ABHD6: variants seen among roughly 807,000 people sequenced by gnomAD.
ABHD6 encodes monoacylglycerol lipase ABHD6.
ABHD6 carries 33 observed loss-of-function variants against 38.8 expected under a neutral mutation model. The observed-to-expected ratio is 0.85, with a 90% CI of 0.64 to 1.14. The LOEUF is 1.14. Ranked by LOEUF, ABHD6 falls within the 50% of genes most tolerant of loss-of-function variation. The probability of loss-of-function intolerance (pLI) is 0.00; values close to 1 mark genes in which losing one functional copy is unlikely to be tolerated. For missense variants in ABHD6, 380 were observed against 422.6 expected (o/e 0.90, Z 0.88); for synonymous variants, 147 against 161.6 (o/e 0.91, Z 0.69).
rs1448803780 is a variant in ABHD6 at position 58,293,093 on chromosome 3, C to T, written c.838-496C>T. Among the ~76,000 whole-genome samples the T allele has an allele frequency of 2.0e-5, 3 of 152,094 alleles. No homozygotes were observed. Among genetic ancestry groups the T allele is most frequent in the Non-Finnish European group, 2.9e-5 (2 of 68,030 alleles). ...TAGGAGCAGCGCCCTCCTCTCTGCC[C>T]CTTCTCCCCACCATGCCACCCCCAC... On this transcript the variant is annotated intron_variant, in intron 9 of 9. Transcript: ENST00000478253. This position sits in a 1 kb window ranked among gnomAD's most constrained non-coding sequence, Gnocchi z 4.4.
rs1181264461 is a variant in ABHD6, at chr3:58,257,674, A to G, written c.119+969A>G. On this transcript the variant is annotated intron_variant, in intron 3 of 9. Transcript: ENST00000478253. This position sits in a 1 kb window ranked among gnomAD's most constrained non-coding sequence, Gnocchi z 4.8. The stretch of plus-strand genomic sequence containing the variant: ...CACTGCGCCTGGCCTTCATCATTGG[A>G]TTCTGACCCTGTGATGTCCTGACAG... Among the ~76,000 whole-genome samples the G allele has an allele frequency of 6.6e-6, 1 of 152,008 alleles. No homozygotes were observed. The highest frequency in any genetic ancestry group is 1.5e-5 in the Non-Finnish European group (1 of 67,996).
In ABHD6 at chr3:58,256,882, A is replaced by T. The variant is rs116014718; in HGVS notation, c.119+177A>T. On this transcript the variant is annotated intron_variant, in intron 3 of 9. Coordinates refer to ENST00000478253, the MANE Select transcript of ABHD6 (RefSeq NM_001320126.2). The surrounding 1 kb of genome is among the most constrained non-coding windows in gnomAD (Gnocchi z 4.3). ...GGGAATGCTCTTGAAGAATATTACC[A>T]GATCAGTTCTTTCAGGTTTGTTTGT... 2.9e-4 allele frequency among the ~76,000 whole-genome samples: 44 copies of T among 152,148 alleles called. No individual in the cohort carries two copies. The highest frequency in any genetic ancestry group is 1.0e-3 in the African/African-American group (42 of 41,494).
chr3:58,269,258 A>G lies in ABHD6; in HGVS notation c.277-63A>G. On this transcript the variant is annotated intron_variant, in intron 4 of 9. Coordinates refer to ENST00000478253, the MANE Select transcript of ABHD6 (RefSeq NM_001320126.2). The surrounding 1 kb of genome is among the most constrained non-coding windows in gnomAD (Gnocchi z 4.4). ...GTCACTGTACATGGGGCAACCTCCC[A>G]AGAAAATGGGCAGACATGTTTTGCA... is the stretch of plus-strand genomic sequence containing the variant. 1.5e-6 allele frequency: 2 copies of G among 1,341,944 alleles called. No homozygotes were observed. The highest frequency in any genetic ancestry group is 2.1e-6 in the Non-Finnish European group (2 of 943,602). 83.1% of individuals were successfully genotyped at this position (1,341,944 alleles called of 1,614,324 possible).
In ABHD6 at chr3:58,251,289, C is replaced by T. The variant is rs1346179147; in HGVS notation, c.-26+1347C>T. On this transcript the variant is annotated intron_variant, in intron 2 of 9. Coordinates refer to ENST00000478253, the MANE Select transcript of ABHD6 (RefSeq NM_001320126.2). This position sits in a 1 kb window ranked among gnomAD's most constrained non-coding sequence, Gnocchi z 5.4. ...CCAAGATTGTACCACTACACTCCAGCCTGGCTGACAGAGCGAGACTCCATC... is the reference window on the plus strand; with the variant it reads ...CCAAGATTGTACCACTACACTCCAGTCTGGCTGACAGAGCGAGACTCCATC... Among the ~76,000 whole-genome samples the T allele has an allele frequency of 6.6e-6, 1 of 150,712 alleles. No individual in the cohort carries two copies. The highest frequency in any genetic ancestry group is 2.5e-5 in the African/African-American group (1 of 40,576).
intron 7 of ABHD6, among the ~76,000 whole-genome samples, chr3:58,279,322 T>C (rs2097451156): frequency 6.6e-6 from 1 of 152,246 alleles, no homozygotes; most frequent in Admixed American, 6.5e-5. Context: ...TAGTTAGCTC[T>C]TGTTGAATTG....
chr3:58,243,458 G>A (rs1559769010), intron 1 of ABHD6, among the ~76,000 whole-genome samples: 1 of 152,126 alleles, frequency 6.6e-6, no homozygotes, highest in Non-Finnish European at 1.5e-5. Context: ...GAAAGTCTAA[G>A]TGAAGGAGAT....
At chr3:58,277,636 C>G (rs747506208) in intron 7 of ABHD6, among the ~76,000 whole-genome samples, 1 of 152,198 alleles carries the variant, frequency 6.6e-6, no homozygotes, top group Non-Finnish European at 1.5e-5. Context: ...GGCAGAACTT[C>G]CAACACTATA....
rs988736640 is a variant in ABHD6, at chr3:58,267,937, G to A, written c.276+592G>A. ...TCTACAAAAAAATTAGCCAGGCATG[G>A]TGGCATGCACCTGTAGTCCCAGCTA... On this transcript the variant is annotated intron_variant, in intron 4 of 9. Coordinates refer to ENST00000478253, the MANE Select transcript of ABHD6 (RefSeq NM_001320126.2). This position sits in a 1 kb window ranked among gnomAD's most constrained non-coding sequence, Gnocchi z 4.3. Among the ~76,000 whole-genome samples, 1 of 152,154 alleles carries A rather than the reference G, an allele frequency of 6.6e-6. No homozygotes were observed. Among genetic ancestry groups the A allele is most frequent in the African/African-American group, 2.4e-5 (1 of 41,428 alleles).
chr3:58,262,931 T>C (rs1016857689), intron 3 of ABHD6, among the ~76,000 whole-genome samples: 1 of 152,134 alleles, frequency 6.6e-6, no homozygotes, highest in Non-Finnish European at 1.5e-5. Context: ...AATTAGAGGC[T>C]AGGCGTTGTG....
intron 2 of ABHD6, among the ~76,000 whole-genome samples, chr3:58,254,309 A>C (rs1012225019): frequency 2.6e-5 from 4 of 152,192 alleles, no homozygotes; most frequent in Non-Finnish European, 5.9e-5. Flanking sequence ...CTACAGGTCA[A>C]ATTTGGCCTA....
chr3:58,276,204 A>G (rs1322456039), intron 7 of ABHD6, among the ~76,000 whole-genome samples: 3 of 152,202 alleles, frequency 2.0e-5, no homozygotes, highest in African/African-American at 7.2e-5. Context: ...GTCTTCCACA[A>G]TGGTTGAACT....
At chr3:58,279,086 G>A (rs58581115) in intron 7 of ABHD6, among the ~76,000 whole-genome samples, 34,536 of 152,102 alleles carry the variant, frequency 0.23, 5,762 homozygotes, top group East Asian at 0.78. Context: ...TGTTGATTTG[G>A]GGTGGAGAGT....
At chr3:58,255,464 T>TC (rs1358776092) in intron 2 of ABHD6, among the ~76,000 whole-genome samples, 14 of 136,570 alleles carry the variant, frequency 1.0e-4, no homozygotes, top group East Asian at 8.0e-4. Flanking sequence ...AAGTCTGTCT[T>TC]TTTTTTTTTT....
In ABHD6 at chr3:58,266,303, G is replaced by A. The variant is rs1447424265; in HGVS notation, c.120-886G>A. The stretch of plus-strand genomic sequence containing the variant: ...GTCTCTACTAAAAATACAAAAATTA[G>A]GCAGGCATGGTGGTGTGCACCTGTA... On this transcript the variant is annotated intron_variant, in intron 3 of 9. Transcript: ENST00000478253. The surrounding 1 kb of genome is among the most constrained non-coding windows in gnomAD (Gnocchi z 4.0). Among the ~76,000 whole-genome samples, 1 of 152,062 alleles carries A rather than the reference G, an allele frequency of 6.6e-6. No individual in the cohort carries two copies. Among genetic ancestry groups the A allele is most frequent in the African/African-American group, 2.4e-5 (1 of 41,420 alleles).
intron 7 of ABHD6, among the ~76,000 whole-genome samples, chr3:58,281,337 C>A (rs1213091052): frequency 6.6e-6 from 1 of 152,214 alleles, no homozygotes; most frequent in African/African-American, 2.4e-5. Flanking sequence ...TGCCGCCTTG[C>A]AGTTCAATCT....
Position 58,273,752 on chromosome 3 carries a change from AT to A in ABHD6, c.524-904del, listed in dbSNP as rs1191386906. On this transcript the variant is annotated intron_variant, in intron 6 of 9. Coordinates refer to ENST00000478253, the MANE Select transcript of ABHD6 (RefSeq NM_001320126.2). This position sits in a 1 kb window ranked among gnomAD's most constrained non-coding sequence, Gnocchi z 4.8. ...GGTGGAGGTCACAGGGAGGGAGAGC[AT>A]TAGGACAAATGCCGAATGCATGAGG... Among the ~76,000 whole-genome samples, 1 of 152,176 alleles carries A rather than the reference AT, an allele frequency of 6.6e-6. No homozygotes were observed. The highest frequency in any genetic ancestry group is 2.4e-5 in the African/African-American group (1 of 41,446).
chr3:58,285,248 A>C lies in ABHD6; in HGVS notation c.737-105A>C. 2 of 1,521,646 alleles carry C rather than the reference A, an allele frequency of 1.3e-6. No homozygotes were observed. Among genetic ancestry groups the C allele is most frequent in the Non-Finnish European group, 9.1e-7 (1 of 1,096,402 alleles). The allele number at this position is 1,521,646 out of a possible 1,614,324, so 94.3% of individuals were successfully genotyped here. A position where few individuals can be genotyped will look rare whatever the true frequency, so the allele number is the denominator to read the frequency against. Reference sequence around the variant, plus strand: ...CTTTGAATGTCTCTTTGGGCCCCTGAAGAGAGGAAGTGGTGGCCTGGATCT... The same window carrying C: ...CTTTGAATGTCTCTTTGGGCCCCTGCAGAGAGGAAGTGGTGGCCTGGATCT... On this transcript the variant is annotated intron_variant, in intron 8 of 9. Coordinates refer to ENST00000478253, the MANE Select transcript of ABHD6 (RefSeq NM_001320126.2). The surrounding 1 kb of genome is among the most constrained non-coding windows in gnomAD (Gnocchi z 4.9).
At chr3:58,255,248 T>C (rs988107578) in intron 2 of ABHD6, among the ~76,000 whole-genome samples, 11 of 152,234 alleles carry the variant, frequency 7.2e-5, no homozygotes, top group African/African-American at 2.4e-4. Context: ...CCTTTTTGGC[T>C]TATTCTCCCT....
intron 2 of ABHD6, among the ~76,000 whole-genome samples, chr3:58,253,164 G>A (rs1426666588): frequency 2.8e-5 from 2 of 71,196 alleles, no homozygotes; most frequent in African/African-American, 1.7e-4. Flanking sequence ...AGAGCACAGA[G>A]GGGTTTTTTT....
Sources: allele counts gnomAD v4.1 joint callset (sites outside exome capture counted in the v4.1 genomes callset), GRCh38; gene constraint gnomAD v4.1.1; non-coding constraint Gnocchi (gnomAD v3.1); transcripts MANE v1.5; gene names NCBI Gene and HGNC (gene_info 2026-07-23, HGNC 2026-07-21).